Variants in ROBO1 observed in about 807,000 individuals in gnomAD.
The protein encoded by ROBO1 is roundabout homolog 1.
In ROBO1, 149 loss-of-function variants were observed where a neutral mutation model predicts 195.9. That is an observed-to-expected ratio of 0.76 (90% CI 0.67 to 0.87). ROBO1 has a LOEUF of 0.87. ROBO1 is among the 40% of genes least tolerant of loss of function. The pLI, the probability that ROBO1 is intolerant of heterozygous loss-of-function variation, is 0.00. For missense variants in ROBO1, 1,933 were observed against 2,068.3 expected, an observed-to-expected ratio of 0.93 and a Z score of 1.27; for synonymous variants, 816 against 733.2, an observed-to-expected ratio of 1.11 and a Z score of -1.82.
chr3:79,764,896 G>T (rs899049949), intron 1 of ROBO1, among the ~76,000 whole-genome samples: 3 of 152,146 alleles, frequency 2.0e-5, no homozygotes, highest in Admixed American at 2.0e-4. Context: ...GTAAGAGAAA[G>T]TTGGCATTAA....
chr3:79,523,467 T>C (rs1466380103), intron 2 of ROBO1, among the ~76,000 whole-genome samples: 10 of 126,936 alleles, frequency 7.9e-5, no homozygotes, highest in African/African-American at 3.3e-4. Flanking sequence ...CTTTCTTTTT[T>C]TTTTCTTTTT....
chr3:79,285,129 T>G (rs2031806105), intron 2 of ROBO1, among the ~76,000 whole-genome samples: 3 of 152,172 alleles, frequency 2.0e-5, no homozygotes, highest in African/African-American at 7.2e-5. Context: ...AATTTATAAA[T>G]CAACATGTTC....
intron 1 of ROBO1, among the ~76,000 whole-genome samples, chr3:79,659,532 T>C (rs1407380013): frequency 1.3e-5 from 2 of 152,040 alleles, no homozygotes; most frequent in African/African-American, 4.8e-5. Flanking sequence ...TAGGCCTATT[T>C]TGACATACAG....
At chr3:79,643,868 A>G (rs1945739162) in intron 1 of ROBO1, among the ~76,000 whole-genome samples, 1 of 152,142 alleles carries the variant, frequency 6.6e-6, no homozygotes, top group Non-Finnish European at 1.5e-5. Context: ...CTTACTTATC[A>G]ACAATAACAC....
chr3:78,845,266 A>G (rs928619921), intron 4 of ROBO1, among the ~76,000 whole-genome samples: 5 of 149,774 alleles, frequency 3.3e-5, no homozygotes, highest in African/African-American at 1.3e-4. Flanking sequence ...AAATGTGCAC[A>G]GATTTTAGAG....
chr3:78,743,998 C>A (rs542253961), intron 5 of ROBO1, among the ~76,000 whole-genome samples: 2 of 152,220 alleles, frequency 1.3e-5, no homozygotes, highest in South Asian at 4.1e-4. Context: ...TTTCTCCAAC[C>A]TTAACCTCAA....
At chr3:79,545,662 G>T (rs962397712) in intron 2 of ROBO1, among the ~76,000 whole-genome samples, 2 of 152,056 alleles carry the variant, frequency 1.3e-5, no homozygotes, top group Non-Finnish European at 2.9e-5. Context: ...GGAGAAATAG[G>T]CCTGCATTAC....
intron 2 of ROBO1, among the ~76,000 whole-genome samples, chr3:79,459,542 G>A (rs1352816542): frequency 6.6e-6 from 1 of 151,798 alleles, no homozygotes; most frequent in East Asian, 1.9e-4. Flanking sequence ...TTTCCCCAAT[G>A]ACTTATTAAT....
In ROBO1 at chr3:78,614,583, G is replaced by C. The variant is rs1438127585; in HGVS notation, c.4435+65C>G. The C allele has an allele frequency of 4.5e-6, 7 of 1,557,680 alleles. No homozygotes were observed. In the East Asian group the frequency reaches 1.6e-4, roughly 35 times the overall value. On this transcript the variant is annotated intron_variant, in intron 28 of 30. Transcript: ENST00000464233. ...CTAACGTCAGTGAATGCATTTGCTA[G>C]TCCTAGAGAGGCAGGGTAAATAGGC... is the stretch of plus-strand genomic sequence containing the variant.
intron 1 of ROBO1, among the ~76,000 whole-genome samples, chr3:79,676,329 C>A (rs1228370116): frequency 6.6e-6 from 1 of 151,950 alleles, no homozygotes; most frequent in Non-Finnish European, 1.5e-5. Flanking sequence ...ACACATTTAG[C>A]AGATTAAAGC....
At chr3:79,501,943 A>C (rs1940094429) in intron 2 of ROBO1, among the ~76,000 whole-genome samples, 1 of 152,210 alleles carries the variant, frequency 6.6e-6, no homozygotes, top group Admixed American at 6.5e-5. Flanking sequence ...CTATACTGAG[A>C]TTAACAGCTA....
At chr3:79,223,144 T>A (rs1166928236) in intron 2 of ROBO1, among the ~76,000 whole-genome samples, 1 of 152,108 alleles carries the variant, frequency 6.6e-6, no homozygotes, top group African/African-American at 2.4e-5. Context: ...AAAAGCCAAG[T>A]TTCTTCAAAC....
chr3:79,611,957 T>A (rs980028255), intron 1 of ROBO1, among the ~76,000 whole-genome samples: 4 of 151,882 alleles, frequency 2.6e-5, no homozygotes, highest in Admixed American at 1.3e-4. Context: ...GATGAAGTAA[T>A]GTTTTTCAGT....
Position 78,896,448 on chromosome 3 carries a change from C to A in ROBO1, c.499+42153G>T, listed in dbSNP as rs140753847. 6.8e-3 allele frequency among the ~76,000 whole-genome samples: 1,027 copies of A among 151,616 alleles called. 13 individuals carry two copies. Among genetic ancestry groups the A allele is most frequent in the African/African-American group, 0.024 (979 of 41,302 alleles). ...AACTGATCAATGTACTTTGTAATCT[C>A]CCCCACCCTTAAGAAGATTATTTGT... On this transcript the variant is annotated intron_variant, in intron 4 of 30. Transcript: ENST00000464233.
chr3:78,872,878 A>G (rs2035629849), intron 4 of ROBO1, among the ~76,000 whole-genome samples: 2 of 152,194 alleles, frequency 1.3e-5, no homozygotes, highest in Non-Finnish European at 2.9e-5. Context: ...TTAAGTGAAG[A>G]AATACTTATA....
rs576949015 is a variant in ROBO1, at chr3:79,282,209, C to A, written c.89-156670G>T. ...AGAGGAATTTCTGTAGGTGATGAAA[C>A]CTTAATTAAGTTTTGAAGATACTGT... On this transcript the variant is annotated intron_variant, in intron 2 of 30. Transcript: ENST00000464233. Among the ~76,000 whole-genome samples the A allele has an allele frequency of 2.0e-5, 3 of 152,110 alleles. No individual in the cohort carries two copies. The South Asian group carries it at 6.2e-4, about 32-fold the overall frequency.
chr3:79,694,053 T>C (rs1356642548), intron 1 of ROBO1, among the ~76,000 whole-genome samples: 1 of 151,776 alleles, frequency 6.6e-6, no homozygotes, highest in Admixed American at 6.6e-5. Context: ...TACTGGATTC[T>C]GAAATAAGTA....
In ROBO1 at chr3:78,998,539, C is replaced by T. The variant is rs1477718947; in HGVS notation, c.173-59612G>A. 3.3e-5 allele frequency among the ~76,000 whole-genome samples: 5 copies of T among 152,268 alleles called. No individual in the cohort carries two copies. In the East Asian group the frequency reaches 9.7e-4, roughly 29 times the overall value. On this transcript the variant is annotated intron_variant, in intron 3 of 30. Transcript: ENST00000464233. ...GGACAACCCACTGGCATCACAAAGT[C>T]AACCTAAGTGCAATTCCCAGTGTTT...
intron 3 of ROBO1, among the ~76,000 whole-genome samples, chr3:79,044,861 C>T (rs1282975228): frequency 6.6e-6 from 1 of 151,986 alleles, no homozygotes; most frequent in Non-Finnish European, 1.5e-5. Flanking sequence ...TTATTTGCCA[C>T]TTGACCCAGG....
Sources: allele counts gnomAD v4.1 joint callset (sites outside exome capture counted in the v4.1 genomes callset), GRCh38; gene constraint gnomAD v4.1.1; transcripts MANE v1.5; gene names NCBI Gene and HGNC (gene_info 2026-07-23, HGNC 2026-07-21).